The following ST6GALNAC5 variants were observed in gnomAD, a reference collection of about 807,000 sequenced individuals.
The protein encoded by ST6GALNAC5 is ST6 N-acetylgalactosaminide alpha-2,6-sialyltransferase 5.
A neutral mutation model predicts 33.6 loss-of-function variants in ST6GALNAC5; 27 were observed. The observed-to-expected ratio is 0.80, with a 90% CI of 0.59 to 1.11. The LOEUF is 1.11. ST6GALNAC5 is among the 50% of genes least tolerant of loss of function. ST6GALNAC5 has a pLI of 0.00. For synonymous variants in ST6GALNAC5, 194 were observed against 171.2 expected (o/e 1.13, Z -1.04); for missense variants, 428 against 454.0 (o/e 0.94, Z 0.52).
intron 2 of ST6GALNAC5, among the ~76,000 whole-genome samples, chr1:76,969,236 C>G (rs1231257044): frequency 6.6e-6 from 1 of 152,218 alleles, no homozygotes; most frequent in African/African-American, 2.4e-5. Flanking sequence ...CCAGGAAGTG[C>G]AAGGGTTCAG....
chr1:77,035,433 A>G (rs1651613088), intron 2 of ST6GALNAC5, among the ~76,000 whole-genome samples: 1 of 152,146 alleles, frequency 6.6e-6, no homozygotes, highest in African/African-American at 2.4e-5. Flanking sequence ...GGGCCATTTA[A>G]ACAACACCCT....
At chr1:76,969,241 G>A (rs1354522166) in intron 2 of ST6GALNAC5, among the ~76,000 whole-genome samples, 2 of 152,220 alleles carry the variant, frequency 1.3e-5, no homozygotes, top group Admixed American at 1.3e-4. Flanking sequence ...AAGTGCAAGG[G>A]TTCAGGGGAT....
chr1:76,942,799 G>A (rs1412224070), intron 2 of ST6GALNAC5, among the ~76,000 whole-genome samples: 2 of 152,082 alleles, frequency 1.3e-5, no homozygotes, highest in Non-Finnish European at 1.5e-5. Flanking sequence ...CCCCTCTCCT[G>A]TCATTCTCCA....
intron 2 of ST6GALNAC5, among the ~76,000 whole-genome samples, chr1:76,877,737 A>G (rs1455244715): frequency 6.6e-6 from 1 of 152,232 alleles, no homozygotes; most frequent in Non-Finnish European, 1.5e-5. Context: ...GACCAGTGTG[A>G]TATCTTGTGG....
In ST6GALNAC5 at chr1:76,932,200, CT is replaced by C. The variant is rs570714601; in HGVS notation, c.261+63460del. ...GCAAGAGATGTTTATGTCTGTTGGC[CT>C]TGACAAGTTACCAGAAGAGGTTATC... On this transcript the variant is annotated intron_variant, in intron 2 of 4. Coordinates refer to ENST00000477717, the MANE Select transcript of ST6GALNAC5 (RefSeq NM_030965.3). Among the ~76,000 whole-genome samples the C allele has an allele frequency of 8.5e-4, 130 of 152,082 alleles. No individual in the cohort carries two copies. In the South Asian group the frequency reaches 9.3e-3, roughly 11 times the overall value.
chr1:76,920,220 T>C (rs1474516007), intron 2 of ST6GALNAC5, among the ~76,000 whole-genome samples: 1 of 152,152 alleles, frequency 6.6e-6, no homozygotes, highest in East Asian at 1.9e-4. Flanking sequence ...GCTTTTGAAG[T>C]GCTGGTGAAT....
chr1:76,910,944 C>T (rs1294308028), intron 2 of ST6GALNAC5, among the ~76,000 whole-genome samples: 1 of 151,830 alleles, frequency 6.6e-6, no homozygotes, highest in Admixed American at 6.6e-5. Context: ...AAAAATGAGG[C>T]ATTCATCAAG....
chr1:77,030,767 T>A (rs1185999132), intron 2 of ST6GALNAC5, among the ~76,000 whole-genome samples: 1 of 152,248 alleles, frequency 6.6e-6, no homozygotes, highest in South Asian at 2.1e-4. Context: ...ATTCCCTGTT[T>A]CTAAGAAAAG....
chr1:76,922,216 A>G (rs1274592608), intron 2 of ST6GALNAC5, among the ~76,000 whole-genome samples: 1 of 152,212 alleles, frequency 6.6e-6, no homozygotes, highest in Non-Finnish European at 1.5e-5. Flanking sequence ...CTGTATTCCT[A>G]CGATGAACAT....
intron 2 of ST6GALNAC5, among the ~76,000 whole-genome samples, chr1:76,988,354 A>G (rs1216103954): frequency 6.6e-6 from 1 of 152,020 alleles, no homozygotes; most frequent in African/African-American, 2.4e-5. Flanking sequence ...CTCTATGGTC[A>G]GTTATCTTCA....
chr1:77,015,080 C>T (rs992589960), intron 2 of ST6GALNAC5, among the ~76,000 whole-genome samples: 1 of 128,896 alleles, frequency 7.8e-6, no homozygotes, highest in Admixed American at 7.3e-5. Context: ...CACACACACA[C>T]ACACACATGG....
At chr1:77,030,717 C>T (rs1651420273) in intron 2 of ST6GALNAC5, among the ~76,000 whole-genome samples, 3 of 152,068 alleles carry the variant, frequency 2.0e-5, no homozygotes. Flanking sequence ...ATGGATGAAG[C>T]CATAAGAGGA....
At chr1:76,934,746 A>C (rs1647181586) in intron 2 of ST6GALNAC5, among the ~76,000 whole-genome samples, 1 of 152,058 alleles carries the variant, frequency 6.6e-6, no homozygotes, top group Non-Finnish European at 1.5e-5. Context: ...TTAACTGACT[A>C]AATGGGAAGC....
chr1:77,049,568 C>G (rs915418211), intron 3 of ST6GALNAC5, among the ~76,000 whole-genome samples: 2 of 151,798 alleles, frequency 1.3e-5, no homozygotes, highest in African/African-American at 4.8e-5. Flanking sequence ...GTGGGGTGCA[C>G]CAGTTCATTC....
At chr1:76,955,721 T>G (rs1647932047) in intron 2 of ST6GALNAC5, among the ~76,000 whole-genome samples, 2 of 152,216 alleles carry the variant, frequency 1.3e-5, no homozygotes, top group Admixed American at 1.3e-4. Flanking sequence ...GAGGTCCTTT[T>G]GATTTTGCAT....
chr1:77,029,055 C>G (rs898664007), intron 2 of ST6GALNAC5, among the ~76,000 whole-genome samples: 4 of 152,062 alleles, frequency 2.6e-5, no homozygotes, highest in Non-Finnish European at 5.9e-5. Flanking sequence ...TGAAATGGAT[C>G]AGTGGAAAAT....
intron 4 of ST6GALNAC5, among the ~76,000 whole-genome samples, chr1:77,053,527 G>A (rs1277909571): frequency 1.3e-5 from 2 of 152,278 alleles, no homozygotes; most frequent in South Asian, 2.1e-4. Context: ...GATAAAAATA[G>A]CCATTTCTGC....
At chr1:76,980,648 C>T (rs149342682) in intron 2 of ST6GALNAC5, among the ~76,000 whole-genome samples, 2 of 152,252 alleles carry the variant, frequency 1.3e-5, no homozygotes, top group African/African-American at 4.8e-5. Flanking sequence ...ACAAATGCTA[C>T]CTGGACAACT....
chr1:76,892,999 C>A (rs909095787), intron 2 of ST6GALNAC5, among the ~76,000 whole-genome samples: 1 of 152,158 alleles, frequency 6.6e-6, no homozygotes, highest in Non-Finnish European at 1.5e-5. Context: ...CCAGATTCAC[C>A]TCTGTAGGCC....
Sources: allele counts gnomAD v4.1 joint callset (sites outside exome capture counted in the v4.1 genomes callset), GRCh38; gene constraint gnomAD v4.1.1; transcripts MANE v1.5; gene names NCBI Gene and HGNC (gene_info 2026-07-23, HGNC 2026-07-21).